The following SLC25A21 variants were observed in gnomAD, a reference collection of about 807,000 sequenced individuals.
The protein encoded by SLC25A21 is solute carrier family 25 member 21.
In SLC25A21, 47 loss-of-function variants were observed where a neutral mutation model predicts 43.8. That is an observed-to-expected ratio of 1.07 (90% CI 0.85 to 1.37). The LOEUF is 1.37. Among genes scored for constraint, SLC25A21 ranks in the 40% most tolerant of loss-of-function variants. SLC25A21 has a pLI of 0.00. For missense variants in SLC25A21, 352 were observed against 350.2 expected, an observed-to-expected ratio of 1.00 and a Z score of -0.04; for synonymous variants, 131 against 121.3, an observed-to-expected ratio of 1.08 and a Z score of -0.52.
At chr14:36,760,389 AAGGC>A (rs1555326335) in intron 3 of SLC25A21, among the ~76,000 whole-genome samples, 47 of 146,780 alleles carry the variant, frequency 3.2e-4, no homozygotes, top group African/African-American at 1.1e-3. Context: ...GGAAGGAAGG[AAGGC>A]AGGCCTCATG....
chr14:37,086,680 A>G (rs1962492801), intron 1 of SLC25A21, among the ~76,000 whole-genome samples: 1 of 152,156 alleles, frequency 6.6e-6, no homozygotes, highest in South Asian at 2.1e-4. Flanking sequence ...TATTGCCTTT[A>G]CAATGCGGAT....
chr14:37,056,165 T>C (rs1961821091), intron 1 of SLC25A21, among the ~76,000 whole-genome samples: 1 of 152,166 alleles, frequency 6.6e-6, no homozygotes, highest in Non-Finnish European at 1.5e-5. Flanking sequence ...GAAGCCTATA[T>C]AGCCTTCAAT....
At chr14:36,869,949 A>G (rs2138547046) in intron 2 of SLC25A21, among the ~76,000 whole-genome samples, 1 of 152,348 alleles carries the variant, frequency 6.6e-6, no homozygotes, top group East Asian at 1.9e-4. Context: ...CAATGTGGAA[A>G]TAGTAGGGAA....
intron 3 of SLC25A21, among the ~76,000 whole-genome samples, chr14:36,810,358 C>T (rs542361745): frequency 1.4e-4 from 22 of 152,210 alleles, no homozygotes; most frequent in South Asian, 8.3e-4. Flanking sequence ...GGAACTGCCA[C>T]GTTCAATTCA....
chr14:36,871,854 A>T (rs1396176456), intron 2 of SLC25A21, among the ~76,000 whole-genome samples: 2 of 152,100 alleles, frequency 1.3e-5, no homozygotes, highest in African/African-American at 4.8e-5. Context: ...TCTGAATTTT[A>T]AAAAATTTAG....
At chr14:36,954,291 A>C (rs1959274602) in intron 1 of SLC25A21, among the ~76,000 whole-genome samples, 1 of 151,728 alleles carries the variant, frequency 6.6e-6, no homozygotes, top group African/African-American at 2.4e-5. Context: ...TGGCCTCTCC[A>C]CCTTTGTTGT....
intron 1 of SLC25A21, among the ~76,000 whole-genome samples, chr14:36,905,255 T>A (rs1891504115): frequency 6.6e-6 from 1 of 152,216 alleles, no homozygotes; most frequent in African/African-American, 2.4e-5. Context: ...GCCACCCATT[T>A]CAGCAGAATA....
At position 36,881,597 on chromosome 14, in the gene SLC25A21, C is replaced by T. The variant is rs199868783; in HGVS notation, c.71-6593G>A. ...TCCACCCTTGCCCTTTTTTTCTACC[C>T]ATTCCTTTACAACCTAGGTCACAGA... is the stretch of plus-strand genomic sequence containing the variant. On this transcript the variant is annotated intron_variant, in intron 1 of 9. Coordinates refer to ENST00000331299, the MANE Select transcript of SLC25A21 (RefSeq NM_030631.4). 7.9e-5 allele frequency among the ~76,000 whole-genome samples: 12 copies of T among 152,218 alleles called. No homozygotes were observed. In the East Asian group the frequency reaches 1.7e-3, roughly 22 times the overall value.
At chr14:36,706,760 C>G (rs1467609979) in intron 7 of SLC25A21, among the ~76,000 whole-genome samples, 1 of 152,164 alleles carries the variant, frequency 6.6e-6, no homozygotes, top group Non-Finnish European at 1.5e-5. Flanking sequence ...GAATACTTCT[C>G]AAATCAGCCC....
chr14:36,939,427 T>C (rs1188674314), intron 1 of SLC25A21, among the ~76,000 whole-genome samples: 1 of 152,100 alleles, frequency 6.6e-6, no homozygotes, highest in Non-Finnish European at 1.5e-5. Flanking sequence ...CAGCATTTTT[T>C]TTGTTAAATG....
intron 2 of SLC25A21, among the ~76,000 whole-genome samples, chr14:36,832,405 C>A (rs1392697964): frequency 6.6e-6 from 1 of 152,118 alleles, no homozygotes; most frequent in Non-Finnish European, 1.5e-5. Context: ...ATCATGGCAG[C>A]ACTGCAATGT....
chr14:36,958,679 GCACACACACACACACACA>G (rs71124786), intron 1 of SLC25A21, among the ~76,000 whole-genome samples: 4 of 136,844 alleles, frequency 2.9e-5, no homozygotes, highest in South Asian at 2.6e-4. Context: ...AAGCACACGT[GCACACACACACACACACA>G]CACACACACA....
At chr14:36,873,269 G>A (rs1462571843) in intron 2 of SLC25A21, among the ~76,000 whole-genome samples, 1 of 151,804 alleles carries the variant, frequency 6.6e-6, no homozygotes, top group African/African-American at 2.4e-5. Flanking sequence ...ATAATTTGTG[G>A]TTTTCTTTTT....
At position 36,977,940 on chromosome 14, in the gene SLC25A21, CTT is replaced by C. The variant is rs35382738; in HGVS notation, c.71-102938_71-102937del. On this transcript the variant is annotated intron_variant, in intron 1 of 9. Coordinates refer to ENST00000331299, the MANE Select transcript of SLC25A21 (RefSeq NM_030631.4). ...CACACACTCCTCAGTGATTACAAAG[CTT>C]TTTTTTTTTTTTAAAAAAAAAAAAA... 3.1e-3 allele frequency among the ~76,000 whole-genome samples: 403 copies of C among 128,104 alleles called. 1 individual carries two copies. Among genetic ancestry groups the C allele is most frequent in the African/African-American group, 4.7e-3 (160 of 33,846 alleles). 84.0% of individuals were successfully genotyped at this position (128,104 alleles called of 152,430 possible).
At chr14:36,872,229 T>C (rs1019683464) in intron 2 of SLC25A21, among the ~76,000 whole-genome samples, 2 of 152,198 alleles carry the variant, frequency 1.3e-5, no homozygotes, top group Admixed American at 1.3e-4. Flanking sequence ...TGCTGGAGTA[T>C]GGCAAAATAA....
At chr14:36,907,160 C>A (rs1011454870) in intron 1 of SLC25A21, among the ~76,000 whole-genome samples, 3 of 152,038 alleles carry the variant, frequency 2.0e-5, no homozygotes, top group African/African-American at 4.8e-5. Context: ...TCAATAAGGA[C>A]CTACCTTTGA....
At chr14:36,716,033 T>C (rs1450548401) in intron 6 of SLC25A21, among the ~76,000 whole-genome samples, 3 of 151,886 alleles carry the variant, frequency 2.0e-5, no homozygotes, top group Non-Finnish European at 2.9e-5. Context: ...GGAGGTTGCA[T>C]TGAGCAGAGA....
chr14:36,733,913 C>T (rs1254356266), intron 4 of SLC25A21, among the ~76,000 whole-genome samples: 1 of 152,058 alleles, frequency 6.6e-6, no homozygotes, highest in East Asian at 1.9e-4. Context: ...AGTACATAAA[C>T]CTCTACAGTT....
intron 1 of SLC25A21, among the ~76,000 whole-genome samples, chr14:37,040,738 T>C (rs1961454226): frequency 6.6e-6 from 1 of 151,930 alleles, no homozygotes; most frequent in African/African-American, 2.4e-5. Context: ...ATGGTGGCTG[T>C]GGAGACTTGG....
Sources: gnomAD v4.1 joint callset for allele counts (sites outside exome capture counted in the v4.1 genomes callset) on GRCh38, gnomAD v4.1.1 for gene constraint, MANE v1.5 for transcripts, NCBI Gene and HGNC (gene_info 2026-07-23, HGNC 2026-07-21) for gene names.